Variants in SAMD5 observed in about 807,000 individuals in gnomAD.
The protein encoded by SAMD5 is sterile alpha motif domain containing 5, also known as sterile alpha motif domain-containing protein 5.
In SAMD5, 13 loss-of-function variants were observed where a neutral mutation model predicts 11.3. The observed-to-expected ratio is 1.15, with a 90% CI of 0.75 to 1.83. The LOEUF is 1.83. Ranked by LOEUF, SAMD5 falls within the 40% of genes most tolerant of loss-of-function variation. The probability of loss-of-function intolerance (pLI) is 0.00; values close to 1 mark genes in which losing one functional copy is unlikely to be tolerated. For synonymous variants in SAMD5, 129 were observed against 111.3 expected (o/e 1.16, Z -1.00); for missense variants, 255 against 239.1 (o/e 1.07, Z -0.44).
chr6:147,603,515 TA>T (rs984440938), intron 1 of SAMD5, among the ~76,000 whole-genome samples: 1 of 152,072 alleles, frequency 6.6e-6, no homozygotes, highest in Middle Eastern at 3.2e-3. Context: ...AAACTGACAA[TA>T]GTAAGTTGAG....
intron 1 of SAMD5, among the ~76,000 whole-genome samples, chr6:147,668,242 A>G (rs1008241217): frequency 1.3e-5 from 2 of 152,208 alleles, no homozygotes; most frequent in African/African-American, 2.4e-5. Flanking sequence ...ACGTATGTAG[A>G]TCAGAAATAG....
intron 1 of SAMD5, among the ~76,000 whole-genome samples, chr6:147,615,183 T>A (rs959814356): frequency 2.7e-5 from 4 of 150,326 alleles, no homozygotes; most frequent in African/African-American, 1.0e-4. Context: ...GATGACTGTA[T>A]ATAAATTATA....
At chr6:147,710,820 C>CT (rs963841435) in intron 1 of SAMD5, among the ~76,000 whole-genome samples, 2 of 151,570 alleles carry the variant, frequency 1.3e-5, no homozygotes, top group Non-Finnish European at 2.9e-5. Context: ...AATGTATCCC[C>CT]CCTGGATAAG....
intron 1 of SAMD5, among the ~76,000 whole-genome samples, chr6:147,540,904 G>A (rs139753501): frequency 4.7e-4 from 67 of 142,788 alleles, no homozygotes; most frequent in African/African-American, 1.7e-3. Context: ...CCTGCTCACC[G>A]CACCATAGCT....
the SAMD5 span, among the ~76,000 whole-genome samples, chr6:147,923,144 C>G: frequency 2.0e-5 from 3 of 152,182 alleles, no homozygotes; most frequent in East Asian, 5.8e-4. Context: ...TGGGGCCCAC[C>G]GGTGTTGAAA....
At chr6:147,939,490 A>G in the SAMD5 span, among the ~76,000 whole-genome samples, 1 of 152,308 alleles carries the variant, frequency 6.6e-6, no homozygotes, top group Non-Finnish European at 1.5e-5. Flanking sequence ...TTAAAACAAA[A>G]GATATTCCTA....
Position 147,509,097 on chromosome 6 carries a change from G to A in SAMD5, c.169G>A (p.Glu57Lys). 2 of 1,592,344 alleles carry A rather than the reference G, an allele frequency of 1.3e-6. No individual in the cohort carries two copies. The highest frequency in any genetic ancestry group is 1.7e-6 in the Non-Finnish European group (2 of 1,170,976). The change falls in exon 1 of 2, where the codon GAG becomes AAG. Residue 57 changes from glutamate (E) to lysine (K), a missense_variant. Physicochemically the swap from Glu to Lys is moderately conservative, Grantham distance 56. Coordinates refer to ENST00000367474, the MANE Select transcript of SAMD5 (RefSeq NM_001030060.3). The stretch of plus-strand genomic sequence containing the variant: ...GCCCGCGCACCGCCGCCGTATCCTG[G>A]AGGCCGTGCGCCGGCTGCGGGAGCA... ...LAPAHRRRIL[E>K]AVRRLREQDA...
the SAMD5 span, among the ~76,000 whole-genome samples, chr6:147,798,461 A>G: frequency 3.4e-5 from 5 of 147,942 alleles, no homozygotes; most frequent in South Asian, 2.2e-4. Context: ...GTTCTTTTAC[A>G]TTTGCTGAGG....
rs879269960 is a variant in SAMD5, at chr6:147,646,998, AT to A, written c.163-90318del. Among the ~76,000 whole-genome samples the A allele has an allele frequency of 4.1e-3, 612 of 148,252 alleles. 9 individuals are homozygous for A. Among genetic ancestry groups the A allele is most frequent in the Non-Finnish European group, 5.9e-3 (395 of 67,182 alleles). On this transcript the variant is annotated intron_variant, in intron 1 of 1. Transcript: ENST00000566741. ...AATAATAATAATAATAATAATAATA[AT>A]AATAATAATAATAATAAAATAGCTG...
chr6:147,598,875 G>A (rs1412168419), intron 1 of SAMD5, among the ~76,000 whole-genome samples: 6 of 152,184 alleles, frequency 3.9e-5, no homozygotes, highest in East Asian at 1.9e-4. Context: ...GGTAGGAGTT[G>A]AGGTTATGGA....
At chr6:147,909,632 C>CTCTCTCTCTCTTTCTTTCTTTCTTTCTT in the SAMD5 span, among the ~76,000 whole-genome samples, 8 of 61,156 alleles carry the variant, frequency 1.3e-4, no homozygotes, top group Non-Finnish European at 2.3e-4. Context: ...TTCTTTCTTT[C>CTCTCTCTCTCTTTCTTTCTTTCTTTCTT]TCTTTCTTGT....
the SAMD5 span, among the ~76,000 whole-genome samples, chr6:147,936,932 G>A: frequency 6.6e-6 from 1 of 152,146 alleles, no homozygotes; most frequent in Non-Finnish European, 1.5e-5. Context: ...AGATGACATG[G>A]GCATGAACAG....
chr6:147,565,326 C>G lies in SAMD5; in HGVS notation c.*870C>G, dbSNP rs1789019044. ...AGGCCTGTGGGGGCCGGGAGGTGGG[C>G]AGCGGCAGTGGCCTGAGGAGCCCTG... On this transcript the variant is annotated 3_prime_UTR_variant, in exon 2 of 2. Transcript: ENST00000367474. 1 of 985,796 alleles carries G rather than the reference C, an allele frequency of 1.0e-6. No individual in the cohort carries two copies. Among genetic ancestry groups the G allele is most frequent in the African/African-American group, 1.7e-5 (1 of 57,238 alleles). The allele number at this position is 985,796 out of a possible 1,614,324, so 61.1% of individuals were successfully genotyped here. A position where few individuals can be genotyped will look rare whatever the true frequency, so the allele number is the denominator to read the frequency against.
chr6:147,853,001 C>A, the SAMD5 span, among the ~76,000 whole-genome samples: 1 of 152,182 alleles, frequency 6.6e-6, no homozygotes, highest in African/African-American at 2.4e-5. Flanking sequence ...TGACTCACTT[C>A]CGGTTTACTG....
the SAMD5 span, among the ~76,000 whole-genome samples, chr6:147,747,195 A>G: frequency 6.6e-6 from 1 of 152,208 alleles, no homozygotes; most frequent in Non-Finnish European, 1.5e-5. Flanking sequence ...ACATTTGAAT[A>G]TGAGGAAAAA....
chr6:147,555,965 A>C (rs1788848528), intron 1 of SAMD5, among the ~76,000 whole-genome samples: 1 of 152,188 alleles, frequency 6.6e-6, no homozygotes, highest in Admixed American at 6.5e-5. Context: ...ATATAGAGAG[A>C]TATAAAGAGA....
chr6:147,843,964 C>T, the SAMD5 span, among the ~76,000 whole-genome samples: 2 of 152,026 alleles, frequency 1.3e-5, no homozygotes, highest in Admixed American at 1.3e-4. Context: ...CCCAAAAGCA[C>T]AAGCAACAAA....
chr6:147,787,841 A>G, the SAMD5 span, among the ~76,000 whole-genome samples: 1 of 152,214 alleles, frequency 6.6e-6, no homozygotes, highest in Non-Finnish European at 1.5e-5. Flanking sequence ...ACATTCTTAC[A>G]GTAAAGGCAG....
At chr6:147,804,182 G>A in the SAMD5 span, among the ~76,000 whole-genome samples, 6 of 147,914 alleles carry the variant, frequency 4.1e-5, no homozygotes, top group East Asian at 2.0e-4. Flanking sequence ...ATCTCGGCTC[G>A]CTGCAACTTC....
Sources: allele counts gnomAD v4.1 joint callset (sites outside exome capture counted in the v4.1 genomes callset), GRCh38; gene constraint gnomAD v4.1.1; transcripts MANE v1.5; gene names NCBI Gene and HGNC (gene_info 2026-07-23, HGNC 2026-07-21).